Variants in SEM1 observed in about 807,000 individuals in gnomAD.
SEM1 encodes SEM1 26S proteasome subunit.
SEM1 carries 3 observed loss-of-function variants against 12.7 expected under a neutral mutation model. That is an observed-to-expected ratio of 0.24 (90% CI 0.11 to 0.61). The LOEUF (loss-of-function observed/expected upper bound fraction) is 0.61, where lower values mean the gene tolerates loss of function less well. Ranked by LOEUF, SEM1 falls within the 20% of genes least tolerant of loss-of-function variation. The pLI is 0.88. For synonymous variants in SEM1, 30 were observed against 27.8 expected, an observed-to-expected ratio of 1.08 and a Z score of -0.25; for missense variants, 59 against 81.3, an observed-to-expected ratio of 0.73 and a Z score of 1.06.
chr7:96,622,585 C>G, exon 3 of SEM1: 1 of 764,302 alleles, frequency 1.3e-6, no homozygotes, highest in South Asian at 1.3e-5. Flanking sequence ...CAATGTGAAG[C>G]CTGACTCCTG....
chr7:96,602,294 C>G (rs1417986920), intron 2 of SEM1, among the ~76,000 whole-genome samples: 1 of 152,134 alleles, frequency 6.6e-6, no homozygotes, highest in Non-Finnish European at 1.5e-5. Context: ...AGAAATGTGT[C>G]AGAATATCCA....
intron 1 of SEM1, among the ~76,000 whole-genome samples, chr7:96,494,738 A>G (rs1296284725): frequency 3.9e-3 from 467 of 120,786 alleles, no homozygotes; most frequent in Middle Eastern, 0.012. Context: ...GAGAGAGCAA[A>G]AGGGAAAGAG....
intron 2 of SEM1, among the ~76,000 whole-genome samples, chr7:96,530,086 C>T (rs1008585191): frequency 3.9e-5 from 6 of 151,984 alleles, no homozygotes; most frequent in Non-Finnish European, 8.8e-5. Context: ...TTGTGGCTCC[C>T]GTTCGTGTTA....
At chr7:96,605,975 G>C (rs1807366111) in intron 2 of SEM1, among the ~76,000 whole-genome samples, 1 of 152,118 alleles carries the variant, frequency 6.6e-6, no homozygotes, top group Non-Finnish European at 1.5e-5. Flanking sequence ...TCACTTAGTA[G>C]CCATCTTGGT....
intron 2 of SEM1, among the ~76,000 whole-genome samples, chr7:96,569,723 C>T (rs756406165): frequency 8.6e-5 from 13 of 151,954 alleles, no homozygotes; most frequent in Non-Finnish European, 1.3e-4. Context: ...CTCCAGTGCC[C>T]ATTATTCCAC....
Position 96,587,002 on chromosome 7 carries a change from T to C in SEM1, c.171-80304A>G, listed in dbSNP as rs369839247. On this transcript the variant is annotated intron_variant and NMD_transcript_variant, in intron 2 of 3. Transcript: ENST00000466986. ...GTGTTGATATTATCCATATTCAGGTTTCCGAACAACCGCTAACCACAAAAC... is the reference window on the plus strand; with the variant it reads ...GTGTTGATATTATCCATATTCAGGTCTCCGAACAACCGCTAACCACAAAAC... 2.6e-5 allele frequency among the ~76,000 whole-genome samples: 4 copies of C among 152,276 alleles called. 1 individual carries two copies. In the East Asian group the frequency reaches 7.7e-4, roughly 29 times the overall value.
intron 1 of SEM1, chr7:96,696,659 C>T (rs1790108335): frequency 1.3e-5 from 2 of 151,900 alleles, no homozygotes; most frequent in Admixed American, 1.3e-4. Flanking sequence ...GTGTATTAAC[C>T]TGGATTATGT....
At chr7:96,497,859 A>T (rs77087121), upstream of SEM1, among the ~76,000 whole-genome samples, 616 of 152,300 alleles carry the variant, frequency 4.0e-3, 5 homozygotes, top group African/African-American at 0.014. Flanking sequence ...GACGGAACTA[A>T]CAGATGAGGA....
intron 2 of SEM1, among the ~76,000 whole-genome samples, chr7:96,681,584 G>T (rs1035227976): frequency 4.6e-5 from 7 of 152,144 alleles, no homozygotes; most frequent in Admixed American, 4.6e-4. Flanking sequence ...AAGGGATCCA[G>T]TTTCAGCTTT....
At chr7:96,698,495 T>C (rs759342844) in intron 1 of SEM1, among the ~76,000 whole-genome samples, 1 of 152,180 alleles carries the variant, frequency 6.6e-6, no homozygotes, top group Non-Finnish European at 1.5e-5. Flanking sequence ...AACTTCCACT[T>C]ATGAGTGAGA....
downstream of SEM1, among the ~76,000 whole-genome samples, chr7:96,684,475 G>A (rs1359000440): frequency 3.9e-5 from 6 of 151,976 alleles, no homozygotes; most frequent in East Asian, 3.9e-4. Flanking sequence ...TTTGGGGGGC[G>A]GGGGAGGCAG....
intron 2 of SEM1, among the ~76,000 whole-genome samples, chr7:96,675,570 C>G (rs1221739929): frequency 6.6e-6 from 1 of 152,142 alleles, no homozygotes; most frequent in Non-Finnish European, 1.5e-5. Flanking sequence ...TACACAGCTT[C>G]CTAATAACTC....
intron 2 of SEM1, among the ~76,000 whole-genome samples, chr7:96,559,737 G>A (rs1467728273): frequency 6.6e-6 from 1 of 152,218 alleles, no homozygotes; most frequent in African/African-American, 2.4e-5. Flanking sequence ...TGGGCACAGA[G>A]AAGGATACAC....
intron 1 of SEM1, chr7:96,496,207 C>T (rs1312844178): frequency 2.2e-6 from 2 of 894,046 alleles, no homozygotes; most frequent in Non-Finnish European, 3.4e-6. Context: ...TCATAGTACA[C>T]TCAAGGTATA....
chr7:96,571,321 GT>G (rs2115982657), intron 2 of SEM1, among the ~76,000 whole-genome samples: 1 of 152,078 alleles, frequency 6.6e-6, no homozygotes, highest in Admixed American at 6.6e-5. Context: ...TTCTTCTAGG[GT>G]TTTTATAGTT....
chr7:96,502,600 C>T (rs1454700250), intron 3 of SEM1, among the ~76,000 whole-genome samples: 3 of 152,162 alleles, frequency 2.0e-5, no homozygotes, highest in African/African-American at 4.8e-5. Flanking sequence ...CCCCAATTTA[C>T]AGTAAATGTT....
At chr7:96,707,719 A>C (rs1184492176) in intron 1 of SEM1, among the ~76,000 whole-genome samples, 1 of 152,210 alleles carries the variant, frequency 6.6e-6, no homozygotes, top group Non-Finnish European at 1.5e-5. Flanking sequence ...ATAAACTTAG[A>C]ACAAGCACAA....
intron 2 of SEM1, among the ~76,000 whole-genome samples, chr7:96,565,443 G>A (rs1805817961): frequency 6.6e-6 from 1 of 151,828 alleles, no homozygotes; most frequent in Non-Finnish European, 1.5e-5. Context: ...CACAATTTTA[G>A]TAAGTGGATT....
intron 2 of SEM1, among the ~76,000 whole-genome samples, chr7:96,609,984 G>T (rs1178803222): frequency 6.6e-6 from 1 of 152,128 alleles, no homozygotes; most frequent in Non-Finnish European, 1.5e-5. Context: ...GTCCAGATAT[G>T]ATCACCTGAT....
Sources: allele counts gnomAD v4.1 joint callset (sites outside exome capture counted in the v4.1 genomes callset), GRCh38; gene constraint gnomAD v4.1.1; transcripts MANE v1.5; gene names NCBI Gene and HGNC (gene_info 2026-07-23, HGNC 2026-07-21).